VPS33B: variants seen among roughly 807,000 people sequenced by gnomAD.
VPS33B encodes VPS33B late endosome and lysosome associated, also known as vacuolar protein sorting-associated protein 33B.
Under a neutral mutation model 95.3 loss-of-function variants are expected in VPS33B, and 80 were observed. The ratio of observed to expected loss-of-function variants is 0.84; its 90% CI spans 0.70 to 1.01. The LOEUF (loss-of-function observed/expected upper bound fraction) is 1.01. VPS33B is among the 50% of genes least tolerant of loss of function. The probability of loss-of-function intolerance (pLI) is 0.00; values close to 1 mark genes in which losing one functional copy is unlikely to be tolerated. For missense variants in VPS33B, 715 were observed against 773.4 expected, an observed-to-expected ratio of 0.92 and a Z score of 0.90; for synonymous variants, 280 against 280.4, an observed-to-expected ratio of 1.00 and a Z score of 0.01.
Position 91,000,407 on chromosome 15 carries a change from A to T in VPS33B, c.1581+83T>A. On this transcript the variant is annotated intron_variant, in intron 20 of 22. Coordinates refer to ENST00000333371, the MANE Select transcript of VPS33B (RefSeq NM_018668.5). The surrounding 1 kb of genome is among the most constrained non-coding windows in gnomAD (Gnocchi z 4.9). ...GCAAGACTCCATCTCAAATAAAAAAAAAAAAACATTGAGACACGCCAGGGA... is the reference window on the plus strand; with the variant it reads ...GCAAGACTCCATCTCAAATAAAAAATAAAAAACATTGAGACACGCCAGGGA... 7.4e-7 allele frequency: 1 copy of T among 1,354,942 alleles called. No homozygotes were observed. The highest frequency in any genetic ancestry group is 1.0e-6 in the Non-Finnish European group (1 of 986,558). The allele number at this position is 1,354,942 out of a possible 1,614,324, so 83.9% of individuals were successfully genotyped here. A position where few individuals can be genotyped will look rare whatever the true frequency, so the allele number is the denominator to read the frequency against.
rs572179920 is a variant in VPS33B, at chr15:91,000,062, C to A, written c.1582-87G>T. The A allele has an allele frequency of 4.7e-5, 73 of 1,546,550 alleles. No individual in the cohort carries two copies. In the South Asian group the frequency reaches 6.3e-4, roughly 13 times the overall value. ...GCACAGCAGCCAGACTGTCACATTT[C>A]TTGCTCATTACTCAAGTAGCAAAAA... On this transcript the variant is annotated intron_variant, in intron 20 of 22. Coordinates refer to ENST00000333371, the MANE Select transcript of VPS33B (RefSeq NM_018668.5). This position sits in a 1 kb window ranked among gnomAD's most constrained non-coding sequence, Gnocchi z 4.9.
chr15:90,999,038 GA>G lies in VPS33B; in HGVS notation c.1790del (p.Phe597SerfsTer2). ...LGREKGYRFI[F>X]LTTAVTNSAR... ...CGCTGTTTGTGACTGCTGTCGTCAGGAAAATGAACCTGTAGCCTAAGGAGTC... is the reference window on the plus strand; with the variant it reads ...CGCTGTTTGTGACTGCTGTCGTCAGGAAATGAACCTGTAGCCTAAGGAGTC... On this transcript the variant is annotated frameshift_variant, in exon 23 of 23. Transcript: ENST00000333371. LOFTEE classifies it high-confidence loss of function. The surrounding 1 kb of genome is among the most constrained non-coding windows in gnomAD (Gnocchi z 5.1). 1 of 1,614,162 alleles carries G rather than the reference GA, an allele frequency of 6.2e-7. No homozygotes were observed. Among genetic ancestry groups the G allele is most frequent in the Non-Finnish European group, 8.5e-7 (1 of 1,180,028 alleles).
rs73497960 is a variant in VPS33B, at chr15:91,022,008, C to T, written c.96+146G>A. On this transcript the variant is annotated intron_variant, in intron 1 of 22. Transcript: ENST00000333371. ...AGGTTCCAAACAGCTCTTACTACTC[C>T]CTGGATTCATTCTGGACCTGCTGGG... The T allele has an allele frequency of 2.5e-3, 2,287 of 914,264 alleles. 34 individuals are homozygous for T. The African/African-American group carries it at 0.034, about 14-fold the overall frequency. The allele number at this position is 914,264 out of a possible 1,614,324, so 56.6% of individuals were successfully genotyped here. A position where few individuals can be genotyped will look rare whatever the true frequency, so the allele number is the denominator to read the frequency against.
chr15:91,005,655 A>ACAGT lies in VPS33B; in HGVS notation c.1030+35_1030+38dup. ...CCTCTGGAGCTTTCCCCAGAGGGAC[A>ACAGT]CAGTCACTTCCCCTCACGCCCCTCA... On this transcript the variant is annotated intron_variant, in intron 13 of 22. Transcript: ENST00000333371. The surrounding 1 kb of genome is among the most constrained non-coding windows in gnomAD (Gnocchi z 6.4). The ACAGT allele has an allele frequency of 6.2e-7, 1 of 1,611,812 alleles. No individual in the cohort carries two copies. The highest frequency in any genetic ancestry group is 8.5e-7 in the Non-Finnish European group (1 of 1,177,892).
At position 91,009,624 on chromosome 15, in the gene VPS33B, C is replaced by A. The variant is rs532089489; in HGVS notation, c.403+177G>T. On this transcript the variant is annotated intron_variant, in intron 6 of 22. Coordinates refer to ENST00000333371, the MANE Select transcript of VPS33B (RefSeq NM_018668.5). This position sits in a 1 kb window ranked among gnomAD's most constrained non-coding sequence, Gnocchi z 4.1. ...CCCAGCCCCCAGTAGTGTTCTAATT[C>A]GTGGTCCTATTCCCATTCCCATTCT... is the stretch of plus-strand genomic sequence containing the variant. 1.4e-5 allele frequency among the ~76,000 whole-genome samples: 2 copies of A among 143,720 alleles called. No homozygotes were observed. The highest frequency in any genetic ancestry group is 5.1e-5 in the African/African-American group (2 of 39,156). 94.3% of individuals were successfully genotyped at this position (143,720 alleles called of 152,430 possible). A position where few individuals can be genotyped will look rare whatever the true frequency, so the allele number is the denominator to read the frequency against.
chr15:91,014,200 C>G (rs2040857758), intron 4 of VPS33B, among the ~76,000 whole-genome samples, 184 bp downstream of exon 4: 1 of 104,074 alleles, frequency 9.6e-6, no homozygotes, highest in Non-Finnish European at 1.8e-5. Flanking sequence ...GACTGGGCAA[C>G]AAGAGTGAAA....
intron 2 of VPS33B, 133 bp from the exon 3 acceptor site, chr15:91,017,157 A>T (rs544333008): frequency 1.2e-6 from 1 of 818,572 alleles, no homozygotes; most frequent in Admixed American, 1.9e-5. Context: ...TATGCTAATT[A>T]TGCTCCCCTG....
Position 91,005,608 on chromosome 15 carries a change from T to A in VPS33B, c.1030+86A>T, listed in dbSNP as rs1210003575. On this transcript the variant is annotated intron_variant, in intron 13 of 22. Transcript: ENST00000333371. The surrounding 1 kb of genome is among the most constrained non-coding windows in gnomAD (Gnocchi z 6.4). ...ACCATATGCATCAGATGAACAGGGA[T>A]CTCCTCCTCGGGAGTAATGGTCCTC... is the stretch of plus-strand genomic sequence containing the variant. 2 of 1,582,206 alleles carry A rather than the reference T, an allele frequency of 1.3e-6. No individual in the cohort carries two copies. Among genetic ancestry groups the A allele is most frequent in the African/African-American group, 2.7e-5 (2 of 74,244 alleles).
rs1242365242 is a variant in VPS33B at position 91,015,344 on chromosome 15, AT to A, written c.240-912del. 4.0e-5 allele frequency among the ~76,000 whole-genome samples: 6 copies of A among 151,628 alleles called. No individual in the cohort carries two copies. The highest frequency in any genetic ancestry group is 7.2e-5 in the African/African-American group (3 of 41,444). On this transcript the variant is annotated intron_variant, in intron 3 of 22. Coordinates refer to ENST00000333371, the MANE Select transcript of VPS33B (RefSeq NM_018668.5). The surrounding 1 kb of genome is among the most constrained non-coding windows in gnomAD (Gnocchi z 4.7). ...AGAGCTAAACTCCGTCTCAAAAAAA[AT>A]AAAATAAAATAAAATAATAATAAAT...
In VPS33B at chr15:91,015,525, C is replaced by T. The variant is rs1288617057; in HGVS notation, c.240-1092G>A. Among the ~76,000 whole-genome samples the T allele has an allele frequency of 6.6e-6, 1 of 151,804 alleles. No homozygotes were observed. Among genetic ancestry groups the T allele is most frequent in the African/African-American group, 2.4e-5 (1 of 41,330 alleles). ...AGAAACTCCATCTCTACTAAAAATA[C>T]AAAAATTAGCTGGGCAAGGTGGCAG... On this transcript the variant is annotated intron_variant, in intron 3 of 22. Coordinates refer to ENST00000333371, the MANE Select transcript of VPS33B (RefSeq NM_018668.5). The surrounding 1 kb of genome is among the most constrained non-coding windows in gnomAD (Gnocchi z 4.7).
chr15:91,001,201 T>C (rs2040425309), intron 19 of VPS33B, among the ~76,000 whole-genome samples, 188 bp downstream of exon 19: 1 of 151,716 alleles, frequency 6.6e-6, no homozygotes, highest in Admixed American at 6.6e-5. Context: ...CTGTAATCCC[T>C]TGGGAGGCTG....
chr15:91,013,633 G>A lies in VPS33B; in HGVS notation c.357+171C>T, dbSNP rs1326175691. Among the ~76,000 whole-genome samples, 1 of 152,140 alleles carries A rather than the reference G, an allele frequency of 6.6e-6. No homozygotes were observed. The highest frequency in any genetic ancestry group is 1.5e-5 in the Non-Finnish European group (1 of 68,026). On this transcript the variant is annotated intron_variant, in intron 5 of 22. Coordinates refer to ENST00000333371, the MANE Select transcript of VPS33B (RefSeq NM_018668.5). This position sits in a 1 kb window ranked among gnomAD's most constrained non-coding sequence, Gnocchi z 4.5. ...AGTCTTGGATTTCACAACCTCCCCA[G>A]ACCATGAGCTAAATAAATTTCTGTT...
chr15:91,003,915 T>G (rs1341542054), intron 16 of VPS33B, among the ~76,000 whole-genome samples: 2 of 152,066 alleles, frequency 1.3e-5, no homozygotes, highest in Non-Finnish European at 2.9e-5. Flanking sequence ...AATAAGCAAA[T>G]ACTTCTCTGA....
At chr15:91,004,848 C>T in intron 16 of VPS33B, 29 bp downstream of exon 16, 1 of 1,613,806 alleles carries the variant, frequency 6.2e-7, no homozygotes, top group South Asian at 1.1e-5. Flanking sequence ...CTCAATCTGA[C>T]ATTCTCATCT....
intron 16 of VPS33B, among the ~76,000 whole-genome samples, chr15:91,003,680 C>T (rs908421731): frequency 8.5e-5 from 13 of 152,088 alleles, no homozygotes; most frequent in African/African-American, 2.2e-4. Flanking sequence ...TCTCAAGATC[C>T]GCCTGCCTTG....
rs2040474836 is a variant in VPS33B at position 91,002,649 on chromosome 15, A to G, written c.1272+436T>C. Reference sequence around the variant, plus strand: ...CGTCTCGAAATAAAAAAAAAAAAAAAAAGAAAAGAAATAATTAGCACCAAA... The same window carrying G: ...CGTCTCGAAATAAAAAAAAAAAAAAGAAGAAAAGAAATAATTAGCACCAAA... On this transcript the variant is annotated intron_variant, in intron 17 of 22. Transcript: ENST00000333371. This position sits in a 1 kb window ranked among gnomAD's most constrained non-coding sequence, Gnocchi z 4.7. Among the ~76,000 whole-genome samples, 1 of 146,378 alleles carries G rather than the reference A, an allele frequency of 6.8e-6. No homozygotes were observed. Among genetic ancestry groups the G allele is most frequent in the Middle Eastern group, 3.2e-3 (1 of 314 alleles).
At position 91,002,862 on chromosome 15, in the gene VPS33B, C is replaced by G. The variant is rs1369027781; in HGVS notation, c.1272+223G>C. 2.7e-5 allele frequency among the ~76,000 whole-genome samples: 4 copies of G among 149,314 alleles called. No individual in the cohort carries two copies. The East Asian group carries it at 5.9e-4, about 22-fold the overall frequency. ...GGGGCCAGCACTGAAATGTTTAATT[C>G]TCAGCACTGGCCATGCGCCGTCAGT... On this transcript the variant is annotated intron_variant, in intron 17 of 22. Coordinates refer to ENST00000333371, the MANE Select transcript of VPS33B (RefSeq NM_018668.5). The surrounding 1 kb of genome is among the most constrained non-coding windows in gnomAD (Gnocchi z 4.7).
At position 91,000,593 on chromosome 15, in the gene VPS33B, T is replaced by G; in HGVS notation, c.1480-2A>C. On this transcript the variant is annotated splice_acceptor_variant, in intron 19 of 22. Transcript: ENST00000333371. LOFTEE classifies it high-confidence loss of function. This position sits in a 1 kb window ranked among gnomAD's most constrained non-coding sequence, Gnocchi z 4.9. ...ATACTCGCCGTCCACACGTGGGATCTGTAAGACAAAGGGACTTCATTAGGC... is the reference window on the plus strand; with the variant it reads ...ATACTCGCCGTCCACACGTGGGATCGGTAAGACAAAGGGACTTCATTAGGC... The G allele has an allele frequency of 6.2e-7, 1 of 1,611,918 alleles. No homozygotes were observed. The highest frequency in any genetic ancestry group is 8.5e-7 in the Non-Finnish European group (1 of 1,178,642).
rs149121639 is a variant in VPS33B, at chr15:91,005,077, A to G, written c.1148T>C (p.Ile383Thr). 8.7e-4 allele frequency: 1,399 copies of G among 1,614,130 alleles called. 5 individuals carry two copies. The highest frequency in any genetic ancestry group is 5.5e-3 in the East Asian group (246 of 44,876). ...GFNIRESTSY[I>T]EEHIDRQVSP... is the part of the protein sequence containing the mutation. ...CACCTGCCGGTCTATGTGTTCCTCA[A>G]TGTAGCTGGTGCTCTCCCGGATGTT... Residue 383 changes from isoleucine to threonine, a missense_variant, in exon 15 of 23, where the codon ATT becomes ACT. Coordinates refer to ENST00000333371, the MANE Select transcript of VPS33B (RefSeq NM_018668.5). This position sits in a 1 kb window ranked among gnomAD's most constrained non-coding sequence, Gnocchi z 6.4.
Sources: gnomAD v4.1 joint callset for allele counts (sites outside exome capture counted in the v4.1 genomes callset) on GRCh38, gnomAD v4.1.1 for gene constraint, Gnocchi (gnomAD v3.1) non-coding constraint, MANE v1.5 for transcripts, NCBI Gene and HGNC (gene_info 2026-07-23, HGNC 2026-07-21) for gene names.